Variants in MAML3 observed in about 807,000 individuals in gnomAD.
MAML3 encodes the protein mastermind-like protein 3.
Under a neutral mutation model 101.9 loss-of-function variants are expected in MAML3, and 27 were observed. The ratio of observed to expected loss-of-function variants is 0.27; its 90% CI spans 0.20 to 0.37. The LOEUF (loss-of-function observed/expected upper bound fraction) is 0.37. MAML3 is among the 10% of genes least tolerant of loss of function. The probability of loss-of-function intolerance (pLI) is 1.00; values close to 1 mark genes in which losing one functional copy is unlikely to be tolerated. For missense variants in MAML3, 1,316 were observed against 1,444.9 expected, an observed-to-expected ratio of 0.91 and a Z score of 1.45; for synonymous variants, 501 against 555.9, an observed-to-expected ratio of 0.90 and a Z score of 1.39.
intron 1 of MAML3, among the ~76,000 whole-genome samples, chr4:140,082,265 G>A (rs1727870664): frequency 6.6e-6 from 1 of 152,214 alleles, no homozygotes; most frequent in Non-Finnish European, 1.5e-5. Flanking sequence ...ATTCTGCCCA[G>A]GGGCTCAAGT....
In MAML3 at chr4:140,153,403, G is replaced by C. The variant is rs1046611858; in HGVS notation, c.-76C>G. ...TATCAGCCTCCTCCTTGGGTCCAAGGATTAAAATAGTTTAAGTGGAACGCG... is the reference window on the plus strand; with the variant it reads ...TATCAGCCTCCTCCTTGGGTCCAAGCATTAAAATAGTTTAAGTGGAACGCG... On this transcript the variant is annotated 5_prime_UTR_variant, in exon 1 of 5. The change creates a new upstream start codon in the 5' untranslated region. Transcript: ENST00000509479. 12 of 1,330,730 alleles carry C rather than the reference G, an allele frequency of 9.0e-6. No individual in the cohort carries two copies. In the East Asian group the frequency reaches 1.6e-4, roughly 18 times the overall value. The allele number at this position is 1,330,730 out of a possible 1,614,324, so 82.4% of individuals were successfully genotyped here. A position where few individuals can be genotyped will look rare whatever the true frequency, so the allele number is the denominator to read the frequency against.
At chr4:139,960,372 A>G (rs1733989405) in intron 1 of MAML3, among the ~76,000 whole-genome samples, 1 of 152,158 alleles carries the variant, frequency 6.6e-6, no homozygotes, top group Non-Finnish European at 1.5e-5. Context: ...ACTACCTTTT[A>G]AAATTGGACA....
intron 1 of MAML3, among the ~76,000 whole-genome samples, chr4:140,145,878 C>CTTTTTTTTTTTTTTTTTTTTT (rs10625860): frequency 9.2e-6 from 1 of 108,496 alleles, no homozygotes; most frequent in Non-Finnish European, 1.8e-5. Context: ...TTTCTTTTTT[C>CTTTTTTTTTTTTTTTTTTTTT]TTTTTTTTTT....
At chr4:140,103,930 A>G (rs1022898421) in intron 1 of MAML3, among the ~76,000 whole-genome samples, 3 of 152,110 alleles carry the variant, frequency 2.0e-5, no homozygotes, top group Non-Finnish European at 4.4e-5. Context: ...CAAAGCAGAG[A>G]CCAAATTTTG....
intron 1 of MAML3, among the ~76,000 whole-genome samples, chr4:140,108,769 A>G (rs1728393489): frequency 6.6e-6 from 1 of 151,832 alleles, no homozygotes; most frequent in Admixed American, 6.6e-5. Context: ...GTTAAGTTAA[A>G]TTTGAATACT....
At chr4:139,821,298 C>T (rs558390059) in intron 2 of MAML3, among the ~76,000 whole-genome samples, 16 of 152,212 alleles carry the variant, frequency 1.1e-4, no homozygotes, top group East Asian at 1.9e-4. Flanking sequence ...AGGTGAGTGG[C>T]GGGAGAGTGA....
intron 1 of MAML3, among the ~76,000 whole-genome samples, chr4:139,926,824 C>T (rs1215728346): frequency 6.6e-6 from 1 of 152,194 alleles, no homozygotes; most frequent in East Asian, 1.9e-4. Context: ...AATTAAACTA[C>T]AGGCCTCATT....
chr4:140,153,141 C>A lies in MAML3; in HGVS notation c.187G>T (p.Gly63Cys). 1 of 1,550,140 alleles carries A rather than the reference C, an allele frequency of 6.5e-7. No homozygotes were observed. Among genetic ancestry groups the A allele is most frequent in the Non-Finnish European group, 8.7e-7 (1 of 1,146,754 alleles). Residue 63 changes from glycine (G) to cysteine (C), a missense_variant, in exon 1 of 5, where the codon GGT (glycine) becomes TGT (cysteine). Coordinates refer to ENST00000509479, the MANE Select transcript of MAML3 (RefSeq NM_018717.5). ...CTGTGCTTGGGAACGGCCGCCGAAC[C>A]GCCGCCGGGGCCCCCGGAGCCGCCG... ...GCGGSGGPGGGSAAVPKHSTV... is the reference protein window; with the variant it reads ...GCGGSGGPGGCSAAVPKHSTV...
At chr4:139,801,094 G>A (rs982114076) in intron 2 of MAML3, among the ~76,000 whole-genome samples, 2 of 152,226 alleles carry the variant, frequency 1.3e-5, no homozygotes, top group African/African-American at 2.4e-5. Context: ...GCTTCTAAGA[G>A]TAGCTAGGAG....
intron 1 of MAML3, among the ~76,000 whole-genome samples, chr4:140,018,216 T>C (rs563429467): frequency 6.6e-6 from 1 of 152,278 alleles, no homozygotes; most frequent in South Asian, 2.1e-4. Flanking sequence ...CAGCTTCTGC[T>C]GGTATATGTA....
intron 2 of MAML3, among the ~76,000 whole-genome samples, chr4:139,819,033 T>A (rs1730933310): frequency 6.6e-6 from 1 of 152,120 alleles, no homozygotes; most frequent in African/African-American, 2.4e-5. Context: ...AAATGAATAA[T>A]GATCCGATAG....
intron 1 of MAML3, among the ~76,000 whole-genome samples, chr4:140,116,810 T>C (rs993030283): frequency 4.6e-5 from 7 of 152,240 alleles, no homozygotes; most frequent in African/African-American, 1.4e-4. Context: ...GGGATTGTTA[T>C]TGATGACAAA....
intron 1 of MAML3, among the ~76,000 whole-genome samples, chr4:140,093,708 G>T (rs1003156966): frequency 6.6e-6 from 1 of 152,166 alleles, no homozygotes; most frequent in South Asian, 2.1e-4. Context: ...GATTACAGGC[G>T]TGAGCCACCG....
intron 2 of MAML3, among the ~76,000 whole-genome samples, chr4:139,842,757 C>T (rs1422091167): frequency 9.2e-6 from 1 of 108,458 alleles, no homozygotes; most frequent in Non-Finnish European, 1.7e-5. Flanking sequence ...AAGTTATCCG[C>T]TTGCCTTTTT....
chr4:139,877,309 A>C (rs1426515458), intron 2 of MAML3, among the ~76,000 whole-genome samples: 1 of 150,718 alleles, frequency 6.6e-6, no homozygotes, highest in African/African-American at 2.4e-5. Flanking sequence ...AATATAATAG[A>C]GTATCTTTGT....
chr4:139,852,413 T>A, intron 2 of MAML3, among the ~76,000 whole-genome samples: 1 of 135,542 alleles, frequency 7.4e-6, no homozygotes, highest in East Asian at 2.1e-4. Context: ...GTTTTTTTTT[T>A]TTTTTTTTTT....
chr4:140,113,500 T>C (rs1040108731), intron 1 of MAML3, among the ~76,000 whole-genome samples: 9 of 152,144 alleles, frequency 5.9e-5, no homozygotes, highest in Non-Finnish European at 1.0e-4. Context: ...AGACTATTTC[T>C]TCAACGATGC....
At chr4:140,071,640 G>T (rs1392204569) in intron 1 of MAML3, among the ~76,000 whole-genome samples, 1 of 148,802 alleles carries the variant, frequency 6.7e-6, no homozygotes, top group African/African-American at 2.5e-5. Flanking sequence ...CAGCCACATA[G>T]ATCTCACAGT....
At position 139,719,241 on chromosome 4, in the gene MAML3, AC is replaced by A. The variant is rs1463211100; in HGVS notation, c.*81del. 130 of 1,471,960 alleles carry A rather than the reference AC, an allele frequency of 8.8e-5. 4 individuals carry two copies. Among genetic ancestry groups the A allele is most frequent in the Middle Eastern group, 6.0e-4 (3 of 5,040 alleles). 91.2% of individuals were successfully genotyped at this position (1,471,960 alleles called of 1,614,324 possible). ...TTTACGTGGGTCAAAAAAACAAAAA[AC>A]AAGGATGGGTCAACATCCTGTTTCT... On this transcript the variant is annotated 3_prime_UTR_variant, in exon 5 of 5. Coordinates refer to ENST00000509479, the MANE Select transcript of MAML3 (RefSeq NM_018717.5).
Sources: gnomAD v4.1 joint callset for allele counts (sites outside exome capture counted in the v4.1 genomes callset) on GRCh38, gnomAD v4.1.1 for gene constraint, MANE v1.5 for transcripts, NCBI Gene and HGNC (gene_info 2026-07-23, HGNC 2026-07-21) for gene names.